Variants in PLA2G7 observed in about 807,000 individuals in gnomAD.
The protein encoded by PLA2G7 is phospholipase A2 group VII.
Under a neutral mutation model 49.6 loss-of-function variants are expected in PLA2G7, and 63 were observed. That is an observed-to-expected ratio of 1.27 (90% confidence interval 1.04 to 1.57). PLA2G7 has a LOEUF of 1.57. Among genes scored for constraint, PLA2G7 ranks in the 40% most tolerant of loss-of-function variants. The probability of loss-of-function intolerance (pLI) is 0.00; values close to 1 mark genes in which losing one functional copy is unlikely to be tolerated. For missense variants in PLA2G7, 596 were observed against 521.2 expected, an observed-to-expected ratio of 1.14 and a Z score of -1.40; for synonymous variants, 193 against 169.9, an observed-to-expected ratio of 1.14 and a Z score of -1.06.
intron 1 of PLA2G7, among the ~76,000 whole-genome samples, chr6:46,734,956 T>A (rs1765873010): frequency 6.6e-6 from 1 of 152,032 alleles, no homozygotes; most frequent in African/African-American, 2.4e-5. Flanking sequence ...CGGGAAAAGG[T>A]TTGGAAGAAC....
At chr6:46,712,368 C>G (rs1765058276) in intron 5 of PLA2G7, 31 bp from the exon 6 acceptor site, 1 of 1,519,090 alleles carries the variant, frequency 6.6e-7, no homozygotes, top group South Asian at 1.1e-5. Flanking sequence ...AGAATTACAA[C>G]TACCAGTCAT....
At chr6:46,727,210 C>T (rs997718468) in intron 1 of PLA2G7, among the ~76,000 whole-genome samples, 3 of 152,330 alleles carry the variant, frequency 2.0e-5, no homozygotes, top group African/African-American at 7.2e-5. Flanking sequence ...ACAACCATAA[C>T]TGCCACAAAT....
At chr6:46,704,817 A>AT in intron 11 of PLA2G7, 121 bp from the exon 12 acceptor site, 1 of 698,778 alleles carries the variant, frequency 1.4e-6, no homozygotes, top group Non-Finnish European at 2.5e-6. Flanking sequence ...GGTAGAGACG[A>AT]TGTGCTCTGT....
At chr6:46,723,906 C>G (rs1484742938) in intron 1 of PLA2G7, among the ~76,000 whole-genome samples, 1 of 152,212 alleles carries the variant, frequency 6.6e-6, no homozygotes, top group Non-Finnish European at 1.5e-5. Context: ...CACTCCCAAT[C>G]CTTCCCCTAG....
chr6:46,731,226 G>A (rs950636300), intron 1 of PLA2G7, among the ~76,000 whole-genome samples: 2 of 152,104 alleles, frequency 1.3e-5, no homozygotes, highest in African/African-American at 4.8e-5. Flanking sequence ...AAAACTTCCT[G>A]ACACTCTAAA....
chr6:46,734,033 T>A (rs1443233977), intron 1 of PLA2G7, among the ~76,000 whole-genome samples: 1 of 152,144 alleles, frequency 6.6e-6, no homozygotes, highest in Non-Finnish European at 1.5e-5. Context: ...ACTGCAGTAA[T>A]CCCAAGAACC....
At chr6:46,710,767 T>C (rs987724121) in intron 7 of PLA2G7, 109 bp from the exon 8 acceptor site, 27 of 794,870 alleles carry the variant, frequency 3.4e-5, no homozygotes, top group Non-Finnish European at 1.1e-5. Context: ...AGTTATAAAC[T>C]GGAAATCTGA....
intron 5 of PLA2G7, 134 bp from the exon 6 acceptor site, chr6:46,712,471 T>A: frequency 1.5e-6 from 1 of 683,628 alleles, no homozygotes; most frequent in South Asian, 1.5e-5. Context: ...GAGCTACGGT[T>A]CTTAAAGGAG....
At chr6:46,729,588 G>A (rs922437620) in intron 1 of PLA2G7, among the ~76,000 whole-genome samples, 1 of 152,110 alleles carries the variant, frequency 6.6e-6, no homozygotes, top group Admixed American at 6.5e-5. Flanking sequence ...GTTAAATAAC[G>A]TGCCCAAGTT....
chr6:46,729,892 G>T (rs1056211065), intron 1 of PLA2G7, among the ~76,000 whole-genome samples: 4 of 152,210 alleles, frequency 2.6e-5, no homozygotes, highest in African/African-American at 7.2e-5. Context: ...TGTACATTGA[G>T]CAGTTCTCCT....
At chr6:46,733,837 A>C (rs929618182) in intron 1 of PLA2G7, among the ~76,000 whole-genome samples, 1 of 152,088 alleles carries the variant, frequency 6.6e-6, no homozygotes, top group African/African-American at 2.4e-5. Flanking sequence ...GATTGCCAAC[A>C]CCTCAGGGGA....
chr6:46,729,581 A>G lies in PLA2G7; in HGVS notation c.-35+5599T>C, dbSNP rs541626526. Among the ~76,000 whole-genome samples, 83 of 152,338 alleles carry G rather than the reference A, an allele frequency of 5.4e-4. No individual in the cohort carries two copies. In the South Asian group the frequency reaches 0.017, roughly 31 times the overall value. On this transcript the variant is annotated intron_variant, in intron 1 of 11. Transcript: ENST00000274793. ...TTGAGATAATGAAGACAAAGAGGTTAAATAACGTGCCCAAGTTCACAAGGA... is the reference window on the plus strand; with the variant it reads ...TTGAGATAATGAAGACAAAGAGGTTGAATAACGTGCCCAAGTTCACAAGGA...
rs541505721 is a variant in PLA2G7, at chr6:46,717,987, T to A, written c.110-891A>T. 2.0e-4 allele frequency among the ~76,000 whole-genome samples: 30 copies of A among 152,216 alleles called. No homozygotes were observed. The South Asian group carries it at 2.5e-3, about 13-fold the overall frequency. On this transcript the variant is annotated intron_variant, in intron 2 of 11. Transcript: ENST00000274793. Reference sequence around the variant, plus strand: ...CACCTCAGCCTCCCAAAGTGCTGGGTTTACAGGCGTGAACCACCACGCCCA... The same window carrying A: ...CACCTCAGCCTCCCAAAGTGCTGGGATTACAGGCGTGAACCACCACGCCCA...
rs3997236 is a variant in PLA2G7 at position 46,704,486 on chromosome 6, A to T, written c.*74T>A. On this transcript the variant is annotated 3_prime_UTR_variant, in exon 12 of 12. Transcript: ENST00000274793. ...CTCTCTCTCTCTCTCTCTCACACACACACACACACACACACACACACACAT... is the reference window on the plus strand; with the variant it reads ...CTCTCTCTCTCTCTCTCTCACACACTCACACACACACACACACACACACAT... 619 of 442,212 alleles carry T rather than the reference A, an allele frequency of 1.4e-3. 3 individuals are homozygous for T. The African/African-American group carries it at 0.02, about 14-fold the overall frequency. 27.4% of individuals were successfully genotyped at this position (442,212 alleles called of 1,614,324 possible).
intron 4 of PLA2G7, among the ~76,000 whole-genome samples, chr6:46,715,212 C>A (rs1194762882): frequency 2.0e-5 from 3 of 152,106 alleles, no homozygotes; most frequent in Non-Finnish European, 4.4e-5. Context: ...ACCCATAAAA[C>A]CTTGGATACA....
rs573703706 is a variant in PLA2G7, at chr6:46,712,444, C to A, written c.471-107G>T. 49 of 795,796 alleles carry A rather than the reference C, an allele frequency of 6.2e-5. No individual in the cohort carries two copies. In the East Asian group the frequency reaches 1.1e-3, roughly 17 times the overall value. 49.3% of individuals were successfully genotyped at this position (795,796 alleles called of 1,614,324 possible). ...AGGCCATTACACCCCTGTAGTAGTG[C>A]CCTGGGGTGGAGTGGAGAGCTACGG... is the stretch of plus-strand genomic sequence containing the variant. On this transcript the variant is annotated intron_variant, in intron 5 of 11. Transcript: ENST00000274793.
chr6:46,709,400 T>G lies in PLA2G7; in HGVS notation c.796A>C (p.Lys266Gln). The G allele has an allele frequency of 6.3e-7, 1 of 1,598,010 alleles. No homozygotes were observed. The change falls in exon 9 of 12, where the codon AAA becomes CAA. Residue 266 changes from lysine (K) to glutamine (Q), a missense_variant. Lys to Gln is a moderately conservative substitution (Grantham distance 53). Transcript: ENST00000274793. ...EQLKDSIDRE[K>Q]IAVIGHSFGG... ...AAAGAATGTCCAATTACTGCTATTTTTTCCCTATCAATAGAGTCCTATTTG... is the reference window on the plus strand; with the variant it reads ...AAAGAATGTCCAATTACTGCTATTTGTTCCCTATCAATAGAGTCCTATTTG...
chr6:46,711,539 C>T lies in PLA2G7; in HGVS notation c.620G>A (p.Arg207Lys). ...TGTCTCCTCCTCTTGTTTCAGGGTTCTAAGGTAGAGCCAAGACTTGTCCCC... is the reference window on the plus strand; with the variant it reads ...TGTCTCCTCCTCTTGTTTCAGGGTTTTAAGGTAGAGCCAAGACTTGTCCCC... ...EIGDKSWLYL[R>K]TLKQEEETHI... Residue 207 changes from arginine to lysine, a missense_variant, in exon 7 of 12, where the codon AGA becomes AAA. By Grantham distance (26) the Arg-to-Lys change is conservative. Coordinates refer to ENST00000274793, the MANE Select transcript of PLA2G7 (RefSeq NM_005084.4). The T allele has an allele frequency of 6.2e-7, 1 of 1,613,722 alleles. No individual in the cohort carries two copies. The highest frequency in any genetic ancestry group is 8.5e-7 in the Non-Finnish European group (1 of 1,179,658).
At chr6:46,705,392 G>T in intron 10 of PLA2G7, 91 bp from the exon 11 acceptor site, 2 of 1,040,408 alleles carry the variant, frequency 1.9e-6, no homozygotes, top group Non-Finnish European at 2.9e-6. Flanking sequence ...GGTCTTGTTG[G>T]TCTGTTTACT....
Sources: allele counts gnomAD v4.1 joint callset (sites outside exome capture counted in the v4.1 genomes callset), GRCh38; gene constraint gnomAD v4.1.1; transcripts MANE v1.5; gene names NCBI Gene and HGNC (gene_info 2026-07-23, HGNC 2026-07-21).